LRRC4C: variants seen among roughly 807,000 people sequenced by gnomAD.
The protein encoded by LRRC4C is leucine rich repeat containing 4C.
A neutral mutation model predicts 33.6 loss-of-function variants in LRRC4C; 5 were observed. The observed-to-expected ratio is 0.15, with a 90% confidence interval of 0.08 to 0.31. The LOEUF (loss-of-function observed/expected upper bound fraction) is 0.31, where lower values mean the gene tolerates loss of function less well. Among genes scored for constraint, LRRC4C ranks in the 10% least tolerant of loss-of-function variants. The pLI, the probability that LRRC4C is intolerant of heterozygous loss-of-function variation, is 1.00. For synonymous variants in LRRC4C, 329 were observed against 302.0 expected (o/e 1.09, Z -0.93); for missense variants, 560 against 796.7 (o/e 0.70, Z 3.58).
At chr11:41,021,204 A>AGT (rs1488951822) in intron 1 of LRRC4C, among the ~76,000 whole-genome samples, 225 of 46,080 alleles carry the variant, frequency 4.9e-3, no homozygotes, top group African/African-American at 0.01. Flanking sequence ...AGAGAGAGAG[A>AGT]GAGAGAGAGA....
chr11:41,215,160 T>A (rs1274033551), intron 1 of LRRC4C, among the ~76,000 whole-genome samples: 2 of 151,620 alleles, frequency 1.3e-5, no homozygotes, highest in East Asian at 3.9e-4. Flanking sequence ...CACCCATATC[T>A]AATTTTAGAA....
intron 1 of LRRC4C, among the ~76,000 whole-genome samples, chr11:41,109,770 A>G (rs1462683624): frequency 2.6e-5 from 4 of 152,050 alleles, no homozygotes; most frequent in Admixed American, 2.6e-4. Flanking sequence ...CTACAACACC[A>G]TTTCTTCCCA....
intron 1 of LRRC4C, among the ~76,000 whole-genome samples, chr11:41,071,096 T>C (rs1938642599): frequency 6.6e-6 from 1 of 152,156 alleles, no homozygotes; most frequent in South Asian, 2.1e-4. Flanking sequence ...ATCATGTCCT[T>C]TGCAGGGACT....
chr11:40,560,168 T>C (rs968505202), intron 3 of LRRC4C, among the ~76,000 whole-genome samples: 1 of 152,210 alleles, frequency 6.6e-6, no homozygotes, highest in African/African-American at 2.4e-5. Flanking sequence ...CTATAAACAC[T>C]TGCTTATAGG....
chr11:40,859,551 A>C (rs2135823843), intron 2 of LRRC4C, among the ~76,000 whole-genome samples: 1 of 152,200 alleles, frequency 6.6e-6, no homozygotes, highest in South Asian at 2.1e-4. Context: ...CATTCTCAAA[A>C]AGTTAAGCAC....
chr11:41,231,574 C>G (rs1217126743), intron 1 of LRRC4C, among the ~76,000 whole-genome samples: 2 of 135,472 alleles, frequency 1.5e-5, no homozygotes, highest in African/African-American at 5.7e-5. Context: ...AATGAGAACA[C>G]TTGGACACAG....
At chr11:40,854,569 G>A (rs1316898772) in intron 2 of LRRC4C, among the ~76,000 whole-genome samples, 1 of 151,774 alleles carries the variant, frequency 6.6e-6, no homozygotes, top group Non-Finnish European at 1.5e-5. Flanking sequence ...TTCATTTTTA[G>A]TTGTTAGCTA....
At chr11:40,228,027 AG>A (rs1170039306) in intron 5 of LRRC4C, among the ~76,000 whole-genome samples, 1 of 152,190 alleles carries the variant, frequency 6.6e-6, no homozygotes, top group Admixed American at 6.5e-5. Context: ...AACTAGTAAA[AG>A]TCAAAGGAAA....
chr11:41,021,194 A>T (rs1465139806), intron 1 of LRRC4C, among the ~76,000 whole-genome samples: 1,172 of 70,308 alleles, frequency 0.017, 38 homozygotes, highest in African/African-American at 0.066. Flanking sequence ...AGAGAGAGAG[A>T]GAGAGAGAGA....
intron 1 of LRRC4C, among the ~76,000 whole-genome samples, chr11:41,039,689 C>A (rs1368725937): frequency 6.6e-6 from 1 of 152,152 alleles, no homozygotes; most frequent in East Asian, 1.9e-4. Context: ...GAGCGCTGGA[C>A]TGACTTTCCT....
At chr11:41,391,758 A>G (rs1953606272) in intron 1 of LRRC4C, among the ~76,000 whole-genome samples, 1 of 151,950 alleles carries the variant, frequency 6.6e-6, no homozygotes, top group South Asian at 2.1e-4. Context: ...ACACATATTT[A>G]GATACTTATT....
At chr11:40,376,546 C>T (rs769000164) in intron 3 of LRRC4C, among the ~76,000 whole-genome samples, 7 of 152,174 alleles carry the variant, frequency 4.6e-5, no homozygotes, top group Middle Eastern at 3.4e-3. Context: ...GGATTTAAAC[C>T]GATAAACTCC....
intron 2 of LRRC4C, among the ~76,000 whole-genome samples, chr11:40,724,438 T>C (rs1209832686): frequency 1.3e-5 from 2 of 151,954 alleles, no homozygotes; most frequent in Non-Finnish European, 2.9e-5. Context: ...AAAATAGAAA[T>C]AAATACCAAG....
chr11:40,406,599 T>C (rs1164427020), intron 3 of LRRC4C, among the ~76,000 whole-genome samples: 13 of 152,170 alleles, frequency 8.5e-5, no homozygotes, highest in Admixed American at 8.5e-4. Flanking sequence ...TGTTTCTGGG[T>C]AGTGGTACTA....
At chr11:40,900,411 C>G (rs78777517) in intron 2 of LRRC4C, among the ~76,000 whole-genome samples, 1,955 of 152,070 alleles carry the variant, frequency 0.013, 38 homozygotes, top group African/African-American at 0.045. Context: ...CTCTCAGTGG[C>G]AAGTGGTATT....
intron 1 of LRRC4C, among the ~76,000 whole-genome samples, chr11:41,263,573 G>A (rs1476384544): frequency 6.6e-6 from 1 of 152,240 alleles, no homozygotes; most frequent in Admixed American, 6.5e-5. Context: ...AACAAGTAAG[G>A]TTTATACAGT....
intron 2 of LRRC4C, among the ~76,000 whole-genome samples, chr11:40,714,620 T>G (rs1299343606): frequency 1.3e-5 from 2 of 152,180 alleles, no homozygotes; most frequent in East Asian, 3.9e-4. Context: ...TAATCAAGAA[T>G]GACCAACTGT....
chr11:40,325,438 C>T (rs1946049489), intron 3 of LRRC4C, among the ~76,000 whole-genome samples: 1 of 152,072 alleles, frequency 6.6e-6, no homozygotes, highest in Non-Finnish European at 1.5e-5. Flanking sequence ...TCAAGATCAG[C>T]CTCGGCAATA....
intron 3 of LRRC4C, among the ~76,000 whole-genome samples, chr11:40,600,523 A>T (rs1317370555): frequency 6.6e-6 from 1 of 152,180 alleles, no homozygotes; most frequent in Admixed American, 6.5e-5. Flanking sequence ...TCCCTCACAT[A>T]GTATCCCTGG....
Sources: gnomAD v4.1 joint callset for allele counts (sites outside exome capture counted in the v4.1 genomes callset) on GRCh38, gnomAD v4.1.1 for gene constraint, MANE v1.5 for transcripts, NCBI Gene and HGNC (gene_info 2026-07-23, HGNC 2026-07-21) for gene names.